Variants in PCDH15 observed in about 807,000 individuals in gnomAD.
PCDH15 encodes protocadherin related 15.
Under a neutral mutation model 178.5 loss-of-function variants are expected in PCDH15, and 129 were observed. That is an observed-to-expected ratio of 0.72 (90% confidence interval 0.63 to 0.84). The LOEUF is 0.84. PCDH15 is among the 40% of genes least tolerant of loss of function. PCDH15 has a pLI of 0.00. For missense variants in PCDH15, 2,230 were observed against 2,099.9 expected, an observed-to-expected ratio of 1.06 and a Z score of -1.21; for synonymous variants, 800 against 732.0, an observed-to-expected ratio of 1.09 and a Z score of -1.50.
chr10:55,618,587 T>C (rs539514794), intron 2 of PCDH15, among the ~76,000 whole-genome samples: 1 of 152,168 alleles, frequency 6.6e-6, no homozygotes, highest in East Asian at 1.9e-4. Context: ...TGTTTACTTT[T>C]AAAGGGTCTG....
intron 26 of PCDH15, among the ~76,000 whole-genome samples, chr10:53,870,080 A>G (rs1053958087): frequency 2.0e-5 from 3 of 152,234 alleles, no homozygotes; most frequent in Non-Finnish European, 2.9e-5. Flanking sequence ...TGCTTGGTAT[A>G]TTAAGCTACT....
At chr10:53,919,818 T>C (rs1339822535) in intron 25 of PCDH15, among the ~76,000 whole-genome samples, 1 of 152,192 alleles carries the variant, frequency 6.6e-6, no homozygotes, top group African/African-American at 2.4e-5. Flanking sequence ...GGTATATACT[T>C]CTATGCCTAG....
intron 2 of PCDH15, among the ~76,000 whole-genome samples, chr10:55,586,876 T>C (rs1842736136): frequency 6.6e-6 from 1 of 152,132 alleles, no homozygotes; most frequent in Non-Finnish European, 1.5e-5. Flanking sequence ...AGAAGTGTAT[T>C]TATTCATGCA....
chr10:55,429,639 C>T (rs1838837018), intron 2 of PCDH15, among the ~76,000 whole-genome samples: 1 of 152,118 alleles, frequency 6.6e-6, no homozygotes, highest in African/African-American at 2.4e-5. Context: ...AGGGAATTTG[C>T]CTTTTACTGA....
At chr10:54,889,002 G>A (rs929405611) in intron 3 of PCDH15, among the ~76,000 whole-genome samples, 1 of 151,572 alleles carries the variant, frequency 6.6e-6, no homozygotes, top group Non-Finnish European at 1.5e-5. Context: ...CACACACAAT[G>A]TGTTATTAAT....
chr10:55,316,072 AC>A (rs1322745068), intron 1 of PCDH15, among the ~76,000 whole-genome samples: 5 of 152,180 alleles, frequency 3.3e-5, no homozygotes, highest in African/African-American at 1.2e-4. Flanking sequence ...AAGGACTCAC[AC>A]AAAAGTTGGA....
chr10:55,452,987 A>G (rs1839469191), intron 2 of PCDH15, among the ~76,000 whole-genome samples: 1 of 152,220 alleles, frequency 6.6e-6, no homozygotes, highest in East Asian at 1.9e-4. Context: ...CTTTAAGAAT[A>G]TAAAGCACTA....
At chr10:54,914,139 G>A (rs1400591384) in intron 2 of PCDH15, among the ~76,000 whole-genome samples, 1 of 152,086 alleles carries the variant, frequency 6.6e-6, no homozygotes, top group African/African-American at 2.4e-5. Context: ...AGCATGATAT[G>A]ATTTGGCTCT....
At chr10:54,135,204 A>C (rs2042805950) in intron 14 of PCDH15, among the ~76,000 whole-genome samples, 1 of 108,806 alleles carries the variant, frequency 9.2e-6, no homozygotes, top group South Asian at 3.5e-4. Flanking sequence ...CTCTGTCTCA[A>C]AAAAAAAAAA....
At chr10:54,903,632 T>C (rs1954675593) in intron 2 of PCDH15, among the ~76,000 whole-genome samples, 1 of 152,048 alleles carries the variant, frequency 6.6e-6, no homozygotes, top group Admixed American at 6.6e-5. Flanking sequence ...AATTAAACTG[T>C]AATCCAGTAT....
intron 3 of PCDH15, among the ~76,000 whole-genome samples, chr10:54,848,634 A>G (rs1240688725): frequency 2.0e-5 from 3 of 152,180 alleles, no homozygotes; most frequent in African/African-American, 7.2e-5. Flanking sequence ...ATTTATTTAT[A>G]AATTACTCAG....
chr10:55,543,849 A>G (rs1420767593), intron 2 of PCDH15, among the ~76,000 whole-genome samples: 2 of 151,136 alleles, frequency 1.3e-5, no homozygotes, highest in Non-Finnish European at 3.0e-5. Context: ...ACTTTCTCTT[A>G]CTCTTGATGA....
At chr10:54,620,258 T>C (rs1308229907) in intron 2 of PCDH15, among the ~76,000 whole-genome samples, 5 of 151,928 alleles carry the variant, frequency 3.3e-5, no homozygotes, top group Non-Finnish European at 7.4e-5. Flanking sequence ...CATAATATGA[T>C]TGTAGCATAA....
At chr10:54,289,674 C>T (rs1225446397) in intron 8 of PCDH15, among the ~76,000 whole-genome samples, 1 of 152,062 alleles carries the variant, frequency 6.6e-6, no homozygotes, top group Non-Finnish European at 1.5e-5. Flanking sequence ...AATGCCTAAC[C>T]AGAATAAACA....
At chr10:53,913,515 C>T (rs1236543488) in intron 25 of PCDH15, among the ~76,000 whole-genome samples, 1 of 151,166 alleles carries the variant, frequency 6.6e-6, no homozygotes, top group Non-Finnish European at 1.5e-5. Flanking sequence ...AGGCGAATCA[C>T]GAGGTCAGGA....
intron 2 of PCDH15, among the ~76,000 whole-genome samples, chr10:54,569,899 C>A (rs2089558911): frequency 1.3e-5 from 2 of 152,068 alleles, no homozygotes; most frequent in Non-Finnish European, 1.5e-5. Context: ...ACGTTGAAGT[C>A]AGAGATTACA....
rs1446188458 is a variant in PCDH15, at chr10:54,709,309, C to T, written c.-28-45019G>A. 5.3e-5 allele frequency among the ~76,000 whole-genome samples: 8 copies of T among 151,898 alleles called. 1 individual carries two copies. In the South Asian group the frequency reaches 1.7e-3, roughly 32 times the overall value. The stretch of plus-strand genomic sequence containing the variant: ...TACTATGATCGGTTCCAAGATTCTC[C>T]ACTTATTCTTGGATTGATTGAAGAG... On this transcript the variant is annotated intron_variant, in intron 1 of 37. Transcript: ENST00000644397.
chr10:54,295,264 G>A (rs781528670), intron 8 of PCDH15, among the ~76,000 whole-genome samples: 5 of 151,886 alleles, frequency 3.3e-5, no homozygotes, highest in Middle Eastern at 3.2e-3. Flanking sequence ...GCTGCAAAAT[G>A]GACCAATAAG....
intron 18 of PCDH15, among the ~76,000 whole-genome samples, chr10:54,051,232 G>A (rs1311740309): frequency 6.6e-6 from 1 of 152,176 alleles, no homozygotes; most frequent in African/African-American, 2.4e-5. Context: ...AGGCAAATTT[G>A]GAAGTGGGTA....
Sources: allele counts gnomAD v4.1 joint callset (sites outside exome capture counted in the v4.1 genomes callset), GRCh38; gene constraint gnomAD v4.1.1; transcripts MANE v1.5; gene names NCBI Gene and HGNC (gene_info 2026-07-23, HGNC 2026-07-21).